The following PCNX3 variants were observed in gnomAD, a reference collection of about 807,000 sequenced individuals.
PCNX3 encodes the protein pecanex 3.
A neutral mutation model predicts 207.2 loss-of-function variants in PCNX3; 58 were observed. The observed-to-expected ratio is 0.28, with a 90% CI of 0.23 to 0.35. The LOEUF (loss-of-function observed/expected upper bound fraction) is 0.35. Among genes scored for constraint, PCNX3 ranks in the 10% least tolerant of loss-of-function variants. The probability of loss-of-function intolerance (pLI) is 1.00; values close to 1 mark genes in which losing one functional copy is unlikely to be tolerated. For missense variants in PCNX3, 2,410 were observed against 2,774.4 expected, an observed-to-expected ratio of 0.87 and a Z score of 2.95; for synonymous variants, 1,337 against 1,183.5, an observed-to-expected ratio of 1.13 and a Z score of -2.66.
At chr11:65,619,289 C>A (rs1030663196) in intron 6 of PCNX3, 6 of 397,686 alleles carry the variant, frequency 1.5e-5, no homozygotes, top group African/African-American at 2.2e-5. Context: ...GAGTCTCTGT[C>A]CCCTGAGGAC....
At chr11:65,624,032 G>A (rs1405888041) in intron 13 of PCNX3, 71 bp downstream of exon 13, 4 of 1,599,006 alleles carry the variant, frequency 2.5e-6, no homozygotes, top group African/African-American at 1.3e-5. Flanking sequence ...GGGGAGGAGG[G>A]TAGGGTATGG....
At chr11:65,624,776 G>A in intron 15 of PCNX3, 149 bp from the exon 16 acceptor site, 1 of 947,702 alleles carries the variant, frequency 1.1e-6, no homozygotes, top group Non-Finnish European at 1.6e-6. Context: ...AGCTCTAAAG[G>A]CCGCTTGGGG....
intron 27 of PCNX3, among the ~76,000 whole-genome samples, 200 bp from the exon 28 acceptor site, chr11:65,633,926 G>T (rs1325663393): frequency 6.6e-6 from 1 of 152,234 alleles, no homozygotes; most frequent in African/African-American, 2.4e-5. Flanking sequence ...GCTTCCTGGC[G>T]GCTTTGTCAC....
chr11:65,627,341 G>C (rs1350013526), intron 21 of PCNX3, 64 bp from the exon 22 acceptor site: 6 of 1,526,414 alleles, frequency 3.9e-6, no homozygotes, highest in Non-Finnish European at 5.3e-6. Flanking sequence ...GGCGAGGGAT[G>C]GGACACCTAT....
chr11:65,616,239 A>C lies in PCNX3; in HGVS notation c.-73A>C. The C allele has an allele frequency of 7.9e-7, 1 of 1,260,776 alleles. No individual in the cohort carries two copies. Among genetic ancestry groups the C allele is most frequent in the Non-Finnish European group, 1.0e-6 (1 of 965,334 alleles). 78.1% of individuals were successfully genotyped at this position (1,260,776 alleles called of 1,614,324 possible). A position where few individuals can be genotyped will look rare whatever the true frequency, so the allele number is the denominator to read the frequency against. ...CCGGGCCCCGGGGCCCTCAGGCGCC[A>C]GACGGGGCATGGGCCGGGGGCCGCC... On this transcript the variant is annotated 5_prime_UTR_variant, in exon 1 of 35. Coordinates refer to ENST00000355703, the MANE Select transcript of PCNX3 (RefSeq NM_032223.4).
intron 12 of PCNX3, 87 bp from the exon 13 acceptor site, chr11:65,623,842 C>A: frequency 6.3e-7 from 1 of 1,588,970 alleles, no homozygotes; most frequent in Non-Finnish European, 8.6e-7. Flanking sequence ...CTCATAACTG[C>A]CTAGTGGTGG....
chr11:65,623,136 G>A (rs1236019517), intron 11 of PCNX3, among the ~76,000 whole-genome samples: 1 of 152,236 alleles, frequency 6.6e-6, no homozygotes, highest in Non-Finnish European at 1.5e-5. Context: ...CTGGGTGCTG[G>A]TCCTGTGTGC....
chr11:65,626,576 TTAG>T (rs774663756), intron 20 of PCNX3: 139 of 445,568 alleles, frequency 3.1e-4, no homozygotes, highest in Non-Finnish European at 5.1e-4. Flanking sequence ...GGTCTGCCCT[TTAG>T]AAGGGCCCAG....
In PCNX3 at chr11:65,627,559, C is replaced by T. The variant is rs764410030; in HGVS notation, c.3679C>T (p.Leu1227Phe). The change falls in exon 22 of 35, where the codon CTC (leucine) becomes TTC (phenylalanine). Residue 1227 changes from leucine to phenylalanine, a missense_variant. Around this residue, in one of 8 missense-constraint regions of PCNX3, gnomAD observed 333 missense variants for 386.8 expected, o/e 0.86. Coordinates refer to ENST00000355703, the MANE Select transcript of PCNX3 (RefSeq NM_032223.4). ...CCAGGGCTTTCTGCTTGACTACTTC[C>T]TCATGTCCCTGCTTTGCAGCAAGGT... ...LSQGFLLDYF[L>F]MSLLCSKLWD... The T allele has an allele frequency of 2.5e-6, 4 of 1,613,734 alleles. No individual in the cohort carries two copies. Among genetic ancestry groups the T allele is most frequent in the African/African-American group, 2.7e-5 (2 of 74,896 alleles).
chr11:65,624,122 C>A, intron 13 of PCNX3, 73 bp from the exon 14 acceptor site: 2 of 1,565,702 alleles, frequency 1.3e-6, no homozygotes, highest in Non-Finnish European at 8.6e-7. Context: ...AGGCCTGGGG[C>A]CCTTGAGTGT....
At chr11:65,627,616 G>C in intron 22 of PCNX3, 34 bp downstream of exon 22, 1 of 1,607,762 alleles carries the variant, frequency 6.2e-7, no homozygotes, top group Non-Finnish European at 8.5e-7. Context: ...ACCCCAGGCT[G>C]TCCAATGGGA....
At chr11:65,624,662 C>A in intron 15 of PCNX3, 81 bp downstream of exon 15, 1 of 1,264,304 alleles carries the variant, frequency 7.9e-7, no homozygotes, top group Non-Finnish European at 1.1e-6. Context: ...TTGGCTCCAC[C>A]CTTGCGGAAC....
chr11:65,616,000 A>C lies in PCNX3; in HGVS notation c.-312A>C. 2 of 204,092 alleles carry C rather than the reference A, an allele frequency of 9.8e-6. No homozygotes were observed. The highest frequency in any genetic ancestry group is 1.9e-5 in the Non-Finnish European group (2 of 102,570). 12.6% of individuals were successfully genotyped at this position (204,092 alleles called of 1,614,324 possible). A position where few individuals can be genotyped will look rare whatever the true frequency, so the allele number is the denominator to read the frequency against. On this transcript the variant is annotated 5_prime_UTR_variant, in exon 1 of 35. Transcript: ENST00000355703. Reference sequence around the variant, plus strand: ...CCACCTCTGGATGCCGCCGACGGGTACCCGGCCCGTGCCCCGCGCCTGCCT... The same window carrying C: ...CCACCTCTGGATGCCGCCGACGGGTCCCCGGCCCGTGCCCCGCGCCTGCCT...
In PCNX3 at chr11:65,629,381, C is replaced by T. The variant is rs1311374143; in HGVS notation, c.3966C>T (p.Asn1322=). 1.2e-6 allele frequency: 2 copies of T among 1,611,710 alleles called. No individual in the cohort carries two copies. The highest frequency in any genetic ancestry group is 1.3e-5 in the African/African-American group (1 of 75,014). The change falls in exon 25 of 35, where the codon AAC becomes AAT. Residue 1322 remains asparagine (N), a synonymous_variant. Coordinates refer to ENST00000355703, the MANE Select transcript of PCNX3 (RefSeq NM_032223.4). ...GCACTAAACGTGTGGATCATTCCAA[C>T]ACCCGCCTGGTCACACAGCTGGACA... ...DYNTKRVDHS[N]TRLVTQLDRN...
rs1172671998 is a variant in PCNX3 at position 65,617,685 on chromosome 11, C to T, written c.556C>T (p.Leu186Phe). The change falls in exon 5 of 35, where the codon CTC becomes TTC. Residue 186 changes from leucine (L) to phenylalanine (F), a missense_variant. Coordinates refer to ENST00000355703, the MANE Select transcript of PCNX3 (RefSeq NM_032223.4). ...VTSADREMLK[L>F]SSQEKLIGDL... ...TTCTGCCGACCGAGAGATGCTGAAG[C>T]TCAGCTCGCAGGAGAAACTGAGTGC... The T allele has an allele frequency of 5.7e-6, 9 of 1,573,410 alleles. No homozygotes were observed. The East Asian group carries it at 1.4e-4, about 25-fold the overall frequency.
chr11:65,621,498 G>A (rs145704568), intron 10 of PCNX3, among the ~76,000 whole-genome samples: 20 of 152,370 alleles, frequency 1.3e-4, no homozygotes, highest in African/African-American at 4.6e-4. Flanking sequence ...AGAGCTTAAA[G>A]AATGATCATA....
Position 65,634,106 on chromosome 11 carries a change from G to T in PCNX3, c.4471-20G>T. The T allele has an allele frequency of 1.2e-6, 2 of 1,600,828 alleles. No homozygotes were observed. Among genetic ancestry groups the T allele is most frequent in the East Asian group, 2.2e-5 (1 of 44,558 alleles). On this transcript the variant is annotated intron_variant, in intron 27 of 34. Transcript: ENST00000355703. ...GCCAGGGCCGGGACCCCGGCCTGAC[G>T]CCTGCCCCTCCTCTCCCAGAGCATC...
Position 65,619,668 on chromosome 11 carries a change from C to T in PCNX3, c.1829+8C>T, listed in dbSNP as rs766738591. The T allele has an allele frequency of 6.3e-7, 1 of 1,593,058 alleles. No individual in the cohort carries two copies. The highest frequency in any genetic ancestry group is 8.5e-7 in the Non-Finnish European group (1 of 1,175,890). Reference sequence around the variant, plus strand: ...CATGGGCTCGCCGCCCAGGTGAGCACCTTGCCAGCTGTGCCGAGGGGCACC... The same window carrying T: ...CATGGGCTCGCCGCCCAGGTGAGCATCTTGCCAGCTGTGCCGAGGGGCACC... On this transcript the variant is annotated splice_region_variant and intron_variant, in intron 7 of 34. Coordinates refer to ENST00000355703, the MANE Select transcript of PCNX3 (RefSeq NM_032223.4).
chr11:65,616,192 A>C lies in PCNX3; in HGVS notation c.-120A>C. ...CCGAGCCCCCCTCCCCCGCTGGGGG[A>C]GGCCATGGCGTGAGCGTGAGGCCGG... On this transcript the variant is annotated 5_prime_UTR_variant, in exon 1 of 35. Transcript: ENST00000355703. 14 of 698,194 alleles carry C rather than the reference A, an allele frequency of 2.0e-5. No individual in the cohort carries two copies. Among genetic ancestry groups the C allele is most frequent in the East Asian group, 7.3e-5 (2 of 27,320 alleles). 43.2% of individuals were successfully genotyped at this position (698,194 alleles called of 1,614,324 possible).
Sources: gnomAD v4.1 joint callset for allele counts (sites outside exome capture counted in the v4.1 genomes callset) on GRCh38, gnomAD v4.1.1 for gene constraint, gnomAD v4.1.1 regional missense constraint, MANE v1.5 for transcripts, NCBI Gene and HGNC (gene_info 2026-07-23, HGNC 2026-07-21) for gene names.